Variants in UHRF2 observed in about 807,000 individuals in gnomAD.
UHRF2 encodes the protein ubiquitin like with PHD and ring finger domains 2.
UHRF2 carries 23 observed loss-of-function variants against 96.8 expected under a neutral mutation model. That is an observed-to-expected ratio of 0.24 (90% confidence interval 0.17 to 0.34). UHRF2 has a LOEUF of 0.34. UHRF2 is among the 10% of genes least tolerant of loss of function. UHRF2 has a pLI of 1.00. For missense variants in UHRF2, 685 were observed against 981.5 expected, an observed-to-expected ratio of 0.70 and a Z score of 4.04; for synonymous variants, 385 against 332.6, an observed-to-expected ratio of 1.16 and a Z score of -1.72.
At chr9:6,500,758 T>A in intron 14 of UHRF2, 49 bp downstream of exon 14, 1 of 1,519,710 alleles carries the variant, frequency 6.6e-7, no homozygotes, top group East Asian at 2.3e-5. Flanking sequence ...TAACAAATGA[T>A]AAATAATTGT....
chr9:6,418,089 G>A (rs908205010), intron 1 of UHRF2, among the ~76,000 whole-genome samples: 1 of 152,016 alleles, frequency 6.6e-6, no homozygotes, highest in African/African-American at 2.4e-5. Flanking sequence ...ATGTTTGTCA[G>A]TTGTATGTTA....
chr9:6,499,957 T>C (rs1369580407), intron 13 of UHRF2, 26 bp downstream of exon 13: 12 of 1,505,060 alleles, frequency 8.0e-6, no homozygotes, highest in Non-Finnish European at 1.0e-5. Flanking sequence ...AAAATATAAA[T>C]AATAATAACA....
At chr9:6,416,319 C>G (rs537148320) in intron 1 of UHRF2, among the ~76,000 whole-genome samples, 1 of 152,076 alleles carries the variant, frequency 6.6e-6, no homozygotes, top group Non-Finnish European at 1.5e-5. Flanking sequence ...GCGCCCACCT[C>G]GGCTTCCCAA....
intron 2 of UHRF2, chr9:6,422,641 G>T (rs1309764257): frequency 9.3e-6 from 6 of 646,272 alleles, no homozygotes; most frequent in Non-Finnish European, 1.4e-5. Context: ...ACAGGGTCTG[G>T]CTCTGTCACC....
intron 1 of UHRF2, among the ~76,000 whole-genome samples, chr9:6,419,777 G>T (rs185807480): frequency 1.2e-4 from 19 of 152,224 alleles, no homozygotes; most frequent in African/African-American, 3.9e-4. Context: ...GTCTCACTCT[G>T]TTGCCCAGAC....
At chr9:6,461,889 A>G (rs1169561748) in intron 4 of UHRF2, among the ~76,000 whole-genome samples, 1 of 152,070 alleles carries the variant, frequency 6.6e-6, no homozygotes, top group Non-Finnish European at 1.5e-5. Flanking sequence ...AATTACATAA[A>G]CATCCTTGTA....
chr9:6,445,605 T>A (rs1042787960), intron 3 of UHRF2, among the ~76,000 whole-genome samples: 5 of 152,224 alleles, frequency 3.3e-5, no homozygotes, highest in African/African-American at 1.2e-4. Context: ...TCACACAGGT[T>A]GGAGTGCAGT....
At chr9:6,422,615 C>G (rs915609328) in intron 2 of UHRF2, 1 of 629,092 alleles carries the variant, frequency 1.6e-6, no homozygotes, top group African/African-American at 1.9e-5. Context: ...TAACTTAGAT[C>G]TTTTCTTTTT....
chr9:6,417,642 G>A (rs1241638488), intron 1 of UHRF2, among the ~76,000 whole-genome samples: 3 of 152,308 alleles, frequency 2.0e-5, no homozygotes, highest in Middle Eastern at 3.4e-3. Context: ...GACTGGAGGA[G>A]TACCTATGAA....
chr9:6,477,363 A>G (rs773391015), intron 5 of UHRF2, among the ~76,000 whole-genome samples: 73 of 151,862 alleles, frequency 4.8e-4, no homozygotes, highest in Non-Finnish European at 8.2e-4. Flanking sequence ...CATCTCTACT[A>G]AAAAATAAAA....
At chr9:6,472,310 G>A (rs151000697) in intron 4 of UHRF2, among the ~76,000 whole-genome samples, 164 of 152,324 alleles carry the variant, frequency 1.1e-3, no homozygotes, top group African/African-American at 3.7e-3. Flanking sequence ...GAAAATAAGC[G>A]AAAGGATCGA....
At position 6,506,089 on chromosome 9, in the gene UHRF2, T is replaced by C. The variant is rs759651477; in HGVS notation, c.2319T>C (p.His773=). Reference sequence around the variant, plus strand: ...TTTTCTCCTGCCCTGCTTGCCGGCATGATCTTGGCCAGAATTACATCATGA... The same window carrying C: ...TTTTCTCCTGCCCTGCTTGCCGGCACGATCTTGGCCAGAATTACATCATGA... ...AQVFSCPACR[H]DLGQNYIMIP... Residue 773 remains histidine (H), a synonymous_variant, in exon 16 of 16, where the codon CAT becomes CAC. Transcript: ENST00000276893. The C allele has an allele frequency of 1.1e-5, 18 of 1,614,090 alleles. No homozygotes were observed. In the South Asian group the frequency reaches 2.0e-4, roughly 18 times the overall value.
chr9:6,413,549 C>T lies in UHRF2; in HGVS notation c.59C>T (p.Ser20Phe). The T allele has an allele frequency of 6.3e-7, 1 of 1,598,110 alleles. No individual in the cohort carries two copies. Among genetic ancestry groups the T allele is most frequent in the Non-Finnish European group, 8.5e-7 (1 of 1,173,130 alleles). The change falls in exon 1 of 16, where the codon TCT becomes TTT. Residue 20 changes from serine (S) to phenylalanine (F), a missense_variant. Physicochemically the swap from Ser to Phe is radical, Grantham distance 155 (BLOSUM62 -2). Coordinates refer to ENST00000276893, the MANE Select transcript of UHRF2 (RefSeq NM_152896.3). ...AAGACGTGCACCATTGAGGACGTGTCTCGCAAAGCCACGATTGAGGAGCTG... is the reference window on the plus strand; with the variant it reads ...AAGACGTGCACCATTGAGGACGTGTTTCGCAAAGCCACGATTGAGGAGCTG... ...GSKTCTIEDV[S>F]RKATIEELRE...
intron 3 of UHRF2, among the ~76,000 whole-genome samples, chr9:6,450,559 C>T (rs1299467806): frequency 6.6e-6 from 1 of 152,154 alleles, no homozygotes; most frequent in South Asian, 2.1e-4. Context: ...TGGTAAGATT[C>T]AGGTGTTGTC....
intron 10 of UHRF2, chr9:6,496,818 T>C (rs1825003968): frequency 6.2e-6 from 1 of 160,920 alleles, no homozygotes; most frequent in South Asian, 1.9e-4. Context: ...CCTTACACCC[T>C]TACCAAAGAT....
intron 9 of UHRF2, among the ~76,000 whole-genome samples, chr9:6,488,813 T>G (rs1824476544): frequency 6.7e-6 from 1 of 148,234 alleles, no homozygotes; most frequent in African/African-American, 2.5e-5. Context: ...TTTTTTTTTG[T>G]TTTGTTTTGT....
At chr9:6,425,605 A>G (rs1216843603) in intron 2 of UHRF2, among the ~76,000 whole-genome samples, 4 of 151,986 alleles carry the variant, frequency 2.6e-5, no homozygotes, top group Non-Finnish European at 5.9e-5. Flanking sequence ...AAATTAAAAA[A>G]AAAAAAAATT....
chr9:6,435,474 T>A (rs932633065), intron 3 of UHRF2, among the ~76,000 whole-genome samples: 1 of 152,242 alleles, frequency 6.6e-6, no homozygotes, highest in Non-Finnish European at 1.5e-5. Flanking sequence ...ACATACAGTT[T>A]ACCTGTTTAA....
chr9:6,504,524 G>C (rs1452827747), intron 14 of UHRF2, 69 bp from the exon 15 acceptor site: 5 of 999,094 alleles, frequency 5.0e-6, no homozygotes, highest in Non-Finnish European at 7.6e-6. Flanking sequence ...GAAATACACA[G>C]TAGATGAATT....
Sources: gnomAD v4.1 joint callset for allele counts (sites outside exome capture counted in the v4.1 genomes callset) on GRCh38, gnomAD v4.1.1 for gene constraint, MANE v1.5 for transcripts, NCBI Gene and HGNC (gene_info 2026-07-23, HGNC 2026-07-21) for gene names.